Variants in RPS6KC1 observed in about 807,000 individuals in gnomAD.
RPS6KC1 encodes inactive ribosomal protein S6 kinase delta-1.
In RPS6KC1, 54 loss-of-function variants were observed where a neutral mutation model predicts 103.8. The observed-to-expected ratio is 0.52, with a 90% CI of 0.42 to 0.65. The LOEUF (loss-of-function observed/expected upper bound fraction) is 0.65. Ranked by LOEUF, RPS6KC1 falls within the 30% of genes least tolerant of loss-of-function variation. RPS6KC1 has a pLI of 0.00. For synonymous variants in RPS6KC1, 439 were observed against 438.7 expected (o/e 1.00, Z -0.01); for missense variants, 1,151 against 1,253.8 (o/e 0.92, Z 1.24).
the RPS6KC1 span, among the ~76,000 whole-genome samples, chr1:213,296,193 C>T: frequency 1.3e-5 from 2 of 152,134 alleles, no homozygotes; most frequent in Admixed American, 6.5e-5. Flanking sequence ...GTGCTGTTGG[C>T]ATCATGTTTG....
chr1:213,623,571 C>T, the RPS6KC1 span, among the ~76,000 whole-genome samples: 130 of 152,230 alleles, frequency 8.5e-4, no homozygotes, highest in Middle Eastern at 0.01. Flanking sequence ...ACAAACATCA[C>T]AAGAGAAGTT....
At chr1:213,642,670 G>A in the RPS6KC1 span, among the ~76,000 whole-genome samples, 1 of 151,798 alleles carries the variant, frequency 6.6e-6, no homozygotes, top group African/African-American at 2.4e-5. Context: ...ATTTGTTAGT[G>A]TACTTTATTG....
At chr1:213,269,884 TA>T (rs1331098067) in intron 14 of RPS6KC1, among the ~76,000 whole-genome samples, 1 of 151,516 alleles carries the variant, frequency 6.6e-6, no homozygotes, top group Non-Finnish European at 1.5e-5. Context: ...ACCCTGTCTC[TA>T]AATTTAAAAA....
the RPS6KC1 span, among the ~76,000 whole-genome samples, chr1:213,700,241 G>A: frequency 2.0e-5 from 3 of 151,838 alleles, no homozygotes; most frequent in African/African-American, 7.3e-5. Flanking sequence ...GTGAGAGATA[G>A]GGGTTTCGTT....
At chr1:213,602,078 CTCTTTCTTTCTT>C in the RPS6KC1 span, among the ~76,000 whole-genome samples, 50 of 38,580 alleles carry the variant, frequency 1.3e-3, 5 homozygotes, top group African/African-American at 4.5e-3. Flanking sequence ...TTCTTTCTTT[CTCTTTCTTTCTT>C]TCTTTCTTTC....
chr1:213,305,345 A>C, the RPS6KC1 span, among the ~76,000 whole-genome samples: 1 of 152,180 alleles, frequency 6.6e-6, no homozygotes, highest in African/African-American at 2.4e-5. Flanking sequence ...AGCCTCCCAA[A>C]GTGCTGAGAT....
chr1:213,633,030 A>C, the RPS6KC1 span, among the ~76,000 whole-genome samples: 6 of 152,364 alleles, frequency 3.9e-5, no homozygotes, highest in Admixed American at 2.6e-4. Context: ...CAAAGCCTCC[A>C]AGAAATATGG....
the RPS6KC1 span, among the ~76,000 whole-genome samples, chr1:213,527,385 A>G: frequency 6.6e-6 from 1 of 152,218 alleles, no homozygotes; most frequent in Non-Finnish European, 1.5e-5. Context: ...TAGAACAAGA[A>G]AACTGAGGCT....
At chr1:213,627,189 T>C in the RPS6KC1 span, among the ~76,000 whole-genome samples, 1 of 152,192 alleles carries the variant, frequency 6.6e-6, no homozygotes, top group African/African-American at 2.4e-5. Context: ...TTTGAAGCAG[T>C]TGTGAATGGG....
chr1:213,723,264 T>C, the RPS6KC1 span, among the ~76,000 whole-genome samples: 2 of 152,244 alleles, frequency 1.3e-5, no homozygotes, highest in Non-Finnish European at 2.9e-5. Context: ...CAGACCTTTG[T>C]TCTGAGATAG....
chr1:213,430,964 C>A, the RPS6KC1 span, among the ~76,000 whole-genome samples: 1 of 151,866 alleles, frequency 6.6e-6, no homozygotes, highest in African/African-American at 2.4e-5. Flanking sequence ...TACCTGAATT[C>A]GCGCTTGCCG....
intron 6 of RPS6KC1, among the ~76,000 whole-genome samples, chr1:213,162,788 T>C (rs1023923930): frequency 2.6e-5 from 4 of 152,248 alleles, no homozygotes; most frequent in Non-Finnish European, 5.9e-5. Flanking sequence ...CTAGACATTA[T>C]TGAAAACAAT....
chr1:213,357,310 G>C, the RPS6KC1 span, among the ~76,000 whole-genome samples: 3 of 151,308 alleles, frequency 2.0e-5, no homozygotes, highest in African/African-American at 7.3e-5. Flanking sequence ...ACACCTCTTG[G>C]GGCCCTGTCC....
chr1:213,618,577 T>C, the RPS6KC1 span, among the ~76,000 whole-genome samples: 1 of 152,240 alleles, frequency 6.6e-6, no homozygotes, highest in Admixed American at 6.5e-5. Flanking sequence ...CTATAATCAC[T>C]AGAATGAGTA....
intron 4 of RPS6KC1, among the ~76,000 whole-genome samples, chr1:213,112,314 C>T (rs1449941271): frequency 6.6e-6 from 1 of 152,084 alleles, no homozygotes; most frequent in Non-Finnish European, 1.5e-5. Flanking sequence ...AAAGCTATAG[C>T]ACAGCATCAT....
the RPS6KC1 span, among the ~76,000 whole-genome samples, chr1:213,313,827 C>T: frequency 6.6e-6 from 1 of 152,056 alleles, no homozygotes; most frequent in African/African-American, 2.4e-5. Flanking sequence ...GTGGCGGGCA[C>T]GTGTAGTCCC....
the RPS6KC1 span, among the ~76,000 whole-genome samples, chr1:213,319,418 G>A: frequency 6.6e-6 from 1 of 151,710 alleles, no homozygotes; most frequent in Non-Finnish European, 1.5e-5. Flanking sequence ...AAGGAAGACA[G>A]CTTAAGAAGA....
the RPS6KC1 span, among the ~76,000 whole-genome samples, chr1:213,619,019 A>G: frequency 1.3e-5 from 2 of 152,220 alleles, no homozygotes; most frequent in East Asian, 3.9e-4. Flanking sequence ...CCACAATAGT[A>G]TATTCTTGGT....
At chr1:213,651,533 G>A in the RPS6KC1 span, among the ~76,000 whole-genome samples, 7 of 152,244 alleles carry the variant, frequency 4.6e-5, no homozygotes, top group East Asian at 1.4e-3. Context: ...TATTCTGATG[G>A]CTCAATATTT....
Sources: gnomAD v4.1 joint callset for allele counts (sites outside exome capture counted in the v4.1 genomes callset) on GRCh38, gnomAD v4.1.1 for gene constraint, MANE v1.5 for transcripts, NCBI Gene and HGNC (gene_info 2026-07-23, HGNC 2026-07-21) for gene names.